Variants in SHROOM3 observed in about 807,000 individuals in gnomAD.
SHROOM3 encodes the protein shroom family member 3, also known as protein Shroom3.
A neutral mutation model predicts 138.6 loss-of-function variants in SHROOM3; 47 were observed. That is an observed-to-expected ratio of 0.34 (90% CI 0.27 to 0.43). The LOEUF (loss-of-function observed/expected upper bound fraction) is 0.43, where lower values mean the gene tolerates loss of function less well. Ranked by LOEUF, SHROOM3 falls within the 20% of genes least tolerant of loss-of-function variation. The probability of loss-of-function intolerance (pLI) is 1.00; values close to 1 mark genes in which losing one functional copy is unlikely to be tolerated. For missense variants in SHROOM3, 2,491 were observed against 2,596.5 expected (o/e 0.96, Z 0.88); for synonymous variants, 1,062 against 1,063.3 (o/e 1.00, Z 0.02).
chr4:76,745,105 A>C (rs554887845), intron 5 of SHROOM3, among the ~76,000 whole-genome samples: 30 of 152,284 alleles, frequency 2.0e-4, no homozygotes, highest in African/African-American at 7.0e-4. Context: ...ATTCCTCTTC[A>C]TTGCAGAACA....
chr4:76,490,938 G>T (rs13146163), intron 1 of SHROOM3, among the ~76,000 whole-genome samples: 65,529 of 151,990 alleles, frequency 0.43, 15,134 homozygotes, highest in Non-Finnish European at 0.52. Flanking sequence ...TTAACCACTG[G>T]AGCCCATTGG....
At chr4:76,637,386 C>G (rs1735527773) in intron 2 of SHROOM3, 1 of 152,108 alleles carries the variant, frequency 6.6e-6, no homozygotes, top group Non-Finnish European at 1.5e-5. Flanking sequence ...TGGCCTCACC[C>G]TGGTAATATG....
At chr4:76,601,579 A>G (rs1734505847) in intron 2 of SHROOM3, among the ~76,000 whole-genome samples, 2 of 152,126 alleles carry the variant, frequency 1.3e-5, no homozygotes, top group Non-Finnish European at 2.9e-5. Context: ...ATCTCAGCTC[A>G]CTGCAACCTC....
chr4:76,603,933 C>T (rs1333391907), intron 2 of SHROOM3, among the ~76,000 whole-genome samples: 1 of 151,208 alleles, frequency 6.6e-6, no homozygotes, highest in Non-Finnish European at 1.5e-5. Flanking sequence ...ACCTCTGCCC[C>T]CCTGGTTCAA....
chr4:76,549,615 C>T (rs1962206), intron 1 of SHROOM3, among the ~76,000 whole-genome samples: 92,631 of 151,864 alleles, frequency 0.61, 28,300 homozygotes, highest in Admixed American at 0.7. Context: ...GATCTGCCTG[C>T]CTTGGCCTCC....
chr4:76,735,071 G>A (rs976658237), intron 4 of SHROOM3, among the ~76,000 whole-genome samples: 2 of 152,130 alleles, frequency 1.3e-5, no homozygotes, highest in African/African-American at 4.8e-5. Context: ...TATTATGCTG[G>A]AGTGCAGGGA....
chr4:76,735,868 A>AAAATAT (rs1553944040), intron 4 of SHROOM3, among the ~76,000 whole-genome samples: 7 of 18,810 alleles, frequency 3.7e-4, no homozygotes, highest in East Asian at 1.8e-3. Context: ...AAAAAAAAAA[A>AAAATAT]ATATATATAT....
At chr4:76,493,748 A>C (rs1731904550) in intron 1 of SHROOM3, among the ~76,000 whole-genome samples, 1 of 152,204 alleles carries the variant, frequency 6.6e-6, no homozygotes, top group African/African-American at 2.4e-5. Flanking sequence ...TGGGAGGCCA[A>C]GGTGGGCGGA....
intron 1 of SHROOM3, among the ~76,000 whole-genome samples, chr4:76,530,393 A>C (rs1216859994): frequency 6.6e-6 from 1 of 152,158 alleles, no homozygotes; most frequent in Non-Finnish European, 1.5e-5. Context: ...TGTAGAACAA[A>C]GCCTTGATCA....
At chr4:76,642,211 A>G (rs1455520774) in intron 2 of SHROOM3, among the ~76,000 whole-genome samples, 1 of 152,196 alleles carries the variant, frequency 6.6e-6, no homozygotes, top group Admixed American at 6.5e-5. Context: ...CTAATGGATC[A>G]TGAGCTCAGT....
At chr4:76,660,092 C>G (rs560429258) in intron 2 of SHROOM3, among the ~76,000 whole-genome samples, 15 of 152,250 alleles carry the variant, frequency 9.9e-5, no homozygotes, top group Admixed American at 3.9e-4. Flanking sequence ...ACCTCTCTCA[C>G]CCACGTCAGG....
chr4:76,483,833 T>C (rs931227421), intron 1 of SHROOM3, among the ~76,000 whole-genome samples: 1 of 152,172 alleles, frequency 6.6e-6, no homozygotes, highest in African/African-American at 2.4e-5. Context: ...TGAGTTAATG[T>C]CCTTTGCAGG....
At chr4:76,603,905 C>T (rs988329839) in intron 2 of SHROOM3, among the ~76,000 whole-genome samples, 5 of 143,806 alleles carry the variant, frequency 3.5e-5, no homozygotes, top group Admixed American at 7.3e-5. Context: ...TGCAGTGGCG[C>T]GATCTCAGCT....
intron 2 of SHROOM3, chr4:76,688,452 T>G (rs965171545): frequency 1.0e-6 from 1 of 985,300 alleles, no homozygotes. Context: ...ATATGCATAT[T>G]TATTACCTTA....
intron 2 of SHROOM3, among the ~76,000 whole-genome samples, chr4:76,695,343 A>G (rs1024818533): frequency 1.3e-5 from 2 of 152,224 alleles, no homozygotes; most frequent in African/African-American, 2.4e-5. Flanking sequence ...GCTGCCTATT[A>G]GAATTTGACC....
intron 2 of SHROOM3, among the ~76,000 whole-genome samples, chr4:76,622,628 A>C (rs1735033145): frequency 6.6e-6 from 1 of 152,120 alleles, no homozygotes; most frequent in South Asian, 2.1e-4. Flanking sequence ...AAGGAACAAA[A>C]AATGGAATTT....
In SHROOM3 at chr4:76,778,983, A is replaced by T. The variant is rs1427387993; in HGVS notation, c.5797A>T (p.Ile1933Phe). The change falls in exon 11 of 11, where the codon ATT (isoleucine) becomes TTT (phenylalanine). Residue 1933 changes from isoleucine (I) to phenylalanine (F), a missense_variant. Around this residue, in one of 4 missense-constraint regions of SHROOM3, gnomAD observed 470 missense variants for 595.0 expected, o/e 0.79. Transcript: ENST00000296043. ...CGTGAAAATGAAGTCCACGCTCCTC[A>T]TTGAGCAACGGAAGCTGGATGACAA... ...HFVKMKSTLL[I>F]EQRKLDDKIK... The T allele has an allele frequency of 1.9e-6, 3 of 1,614,060 alleles. No individual in the cohort carries two copies. Among genetic ancestry groups the T allele is most frequent in the Non-Finnish European group, 2.5e-6 (3 of 1,180,046 alleles).
intron 1 of SHROOM3, among the ~76,000 whole-genome samples, chr4:76,468,561 A>G (rs1731295107): frequency 6.6e-6 from 1 of 151,088 alleles, no homozygotes; most frequent in Non-Finnish European, 1.5e-5. Context: ...ATGTTAATTC[A>G]TAATTATTAT....
chr4:76,709,970 A>G, intron 2 of SHROOM3, 186 bp from the exon 3 acceptor site: 2 of 619,876 alleles, frequency 3.2e-6, no homozygotes, highest in Non-Finnish European at 5.7e-6. Flanking sequence ...GACACTCAGT[A>G]GTGGATTCGC....
Sources: allele counts gnomAD v4.1 joint callset (sites outside exome capture counted in the v4.1 genomes callset), GRCh38; gene constraint gnomAD v4.1.1; regional missense constraint gnomAD v4.1.1; transcripts MANE v1.5; gene names NCBI Gene and HGNC (gene_info 2026-07-23, HGNC 2026-07-21).